SHISA9: variants seen among roughly 807,000 people sequenced by gnomAD.
The protein encoded by SHISA9 is protein shisa-9.
SHISA9 carries 13 observed loss-of-function variants against 38.0 expected under a neutral mutation model. The ratio of observed to expected loss-of-function variants is 0.34; its 90% CI spans 0.22 to 0.54. The LOEUF is 0.54. SHISA9 is among the 20% of genes least tolerant of loss of function. SHISA9 has a pLI of 0.91. For missense variants in SHISA9, 538 were observed against 575.8 expected, an observed-to-expected ratio of 0.93 and a Z score of 0.67; for synonymous variants, 275 against 242.0, an observed-to-expected ratio of 1.14 and a Z score of -1.27.
chr16:13,106,741 A>G (rs943409560), intron 2 of SHISA9, among the ~76,000 whole-genome samples: 36 of 152,306 alleles, frequency 2.4e-4, no homozygotes, highest in Middle Eastern at 3.4e-3. Flanking sequence ...GGCTAGAAAA[A>G]AAAAATCAGT....
chr16:13,344,272 C>A, the SHISA9 span, among the ~76,000 whole-genome samples: 2 of 152,224 alleles, frequency 1.3e-5, no homozygotes, highest in Non-Finnish European at 2.9e-5. Context: ...GGAGAACCAG[C>A]CAGTAGGTCT....
chr16:13,049,153 A>AGTGTCTGTGTGTGTGT (rs1325522183), intron 2 of SHISA9, among the ~76,000 whole-genome samples: 2 of 138,404 alleles, frequency 1.4e-5, no homozygotes, highest in Non-Finnish European at 1.6e-5. Context: ...TTTGGTTAGG[A>AGTGTCTGTGTGTGTGT]GTATGTGTGT....
chr16:13,074,942 G>T (rs915084573), intron 2 of SHISA9, among the ~76,000 whole-genome samples: 2 of 152,102 alleles, frequency 1.3e-5, no homozygotes, highest in African/African-American at 2.4e-5. Flanking sequence ...GGGATTACCG[G>T]TGTGAGCCAC....
At chr16:13,427,724 G>A in the SHISA9 span, among the ~76,000 whole-genome samples, 1 of 152,062 alleles carries the variant, frequency 6.6e-6, no homozygotes, top group Non-Finnish European at 1.5e-5. Flanking sequence ...CAGGAAATGA[G>A]GCAAAAAGTG....
At chr16:13,223,788 G>C (rs1353981920) in intron 4 of SHISA9, among the ~76,000 whole-genome samples, 5 of 152,216 alleles carry the variant, frequency 3.3e-5, no homozygotes, top group Admixed American at 6.5e-5. Context: ...CAGCAGGCAA[G>C]AGAGGGCATG....
chr16:13,541,269 G>C, the SHISA9 span, among the ~76,000 whole-genome samples: 2 of 152,216 alleles, frequency 1.3e-5, no homozygotes, highest in South Asian at 4.1e-4. Flanking sequence ...CAGAATCCAA[G>C]CAAAAAGGTG....
intron 2 of SHISA9, among the ~76,000 whole-genome samples, chr16:12,970,353 GTATATATATATATATACATATATA>G: frequency 2.1e-5 from 1 of 46,738 alleles, no homozygotes; most frequent in Non-Finnish European, 3.9e-5. Flanking sequence ...ACATATATGT[GTATATATATATATATACATATATA>G]TATACATATA....
intron 4 of SHISA9, among the ~76,000 whole-genome samples, chr16:13,229,362 C>T (rs117604304): frequency 3.3e-5 from 5 of 152,218 alleles, no homozygotes; most frequent in Admixed American, 6.5e-5. Flanking sequence ...CTGACTTTAT[C>T]GGACTTTCTA....
chr16:13,083,675 T>C (rs767687274), intron 2 of SHISA9, among the ~76,000 whole-genome samples: 1 of 152,178 alleles, frequency 6.6e-6, no homozygotes, highest in Non-Finnish European at 1.5e-5. Flanking sequence ...TCATTGACTA[T>C]GGGCTGCTTG....
the SHISA9 span, among the ~76,000 whole-genome samples, chr16:13,292,315 G>C: frequency 6.6e-6 from 1 of 151,966 alleles, no homozygotes; most frequent in African/African-American, 2.4e-5. Flanking sequence ...TATGCAGTTG[G>C]AATCCTGAAA....
At chr16:13,498,500 T>C in the SHISA9 span, among the ~76,000 whole-genome samples, 1 of 152,210 alleles carries the variant, frequency 6.6e-6, no homozygotes, top group African/African-American at 2.4e-5. Context: ...CTCACACCTG[T>C]AATCCCAGCA....
chr16:13,495,389 A>G, the SHISA9 span, among the ~76,000 whole-genome samples: 2 of 152,184 alleles, frequency 1.3e-5, no homozygotes, highest in South Asian at 2.1e-4. Context: ...GCAATTTCCT[A>G]TAATTATTTC....
intron 3 of SHISA9, among the ~76,000 whole-genome samples, chr16:13,210,683 G>A (rs1401270522): frequency 6.6e-6 from 1 of 152,156 alleles, no homozygotes; most frequent in African/African-American, 2.4e-5. Flanking sequence ...GCAGAAAGGG[G>A]GCTCACATCA....
the SHISA9 span, among the ~76,000 whole-genome samples, chr16:13,521,185 C>T: frequency 6.6e-6 from 1 of 152,126 alleles, no homozygotes; most frequent in Non-Finnish European, 1.5e-5. Flanking sequence ...GGAAAATTTC[C>T]AGCATCTTCC....
chr16:13,146,852 A>C (rs1567227298), intron 2 of SHISA9, among the ~76,000 whole-genome samples: 1 of 152,294 alleles, frequency 6.6e-6, no homozygotes, highest in African/African-American at 2.4e-5. Flanking sequence ...CCAGTTTCAG[A>C]TATAGATTAT....
intron 3 of SHISA9, among the ~76,000 whole-genome samples, chr16:13,211,364 T>G (rs2051118195): frequency 6.6e-6 from 1 of 152,002 alleles, no homozygotes; most frequent in Admixed American, 6.6e-5. Context: ...ATAATTGAAC[T>G]CTAGTGTATT....
At chr16:13,459,482 G>A in the SHISA9 span, among the ~76,000 whole-genome samples, 1 of 146,586 alleles carries the variant, frequency 6.8e-6, no homozygotes, top group Non-Finnish European at 1.5e-5. Flanking sequence ...TGCCTGGAAT[G>A]TTCTAGCCTA....
chr16:12,954,024 T>G (rs540859230), intron 2 of SHISA9, among the ~76,000 whole-genome samples: 1 of 152,222 alleles, frequency 6.6e-6, no homozygotes, highest in African/African-American at 2.4e-5. Flanking sequence ...CAATTTGAGA[T>G]GAGATTTGGG....
chr16:13,269,539 G>A, the SHISA9 span, among the ~76,000 whole-genome samples: 1 of 152,150 alleles, frequency 6.6e-6, no homozygotes, highest in African/African-American at 2.4e-5. Flanking sequence ...CTGCCAAGCA[G>A]GCTCTTCTGC....
Sources: allele counts gnomAD v4.1 joint callset (sites outside exome capture counted in the v4.1 genomes callset), GRCh38; gene constraint gnomAD v4.1.1; transcripts MANE v1.5; gene names NCBI Gene and HGNC (gene_info 2026-07-23, HGNC 2026-07-21).